THAP4: variants seen among roughly 807,000 people sequenced by gnomAD.
The protein encoded by THAP4 is THAP domain containing 4.
In THAP4, 18 loss-of-function variants were observed where a neutral mutation model predicts 48.1. That is an observed-to-expected ratio of 0.37 (90% confidence interval 0.26 to 0.56). The LOEUF is 0.56. Among genes scored for constraint, THAP4 ranks in the 20% least tolerant of loss-of-function variants. The pLI, the probability that THAP4 is intolerant of heterozygous loss-of-function variation, is 0.78. For synonymous variants in THAP4, 345 were observed against 324.9 expected (o/e 1.06, Z -0.66); for missense variants, 656 against 774.9 (o/e 0.85, Z 1.82).
rs749671742 is a variant in THAP4, at chr2:241,602,042, T to TTGCC, written c.1511-44_1511-43insGGCA. The stretch of plus-strand genomic sequence containing the variant: ...TCAGCTCACCCAGCAGCTGCTCGGC[T>TTGCC]TGCAGAGAGGCAGCCTTGACTCTCC... On this transcript the variant is annotated intron_variant, in intron 4 of 5. Coordinates refer to ENST00000407315, the MANE Select transcript of THAP4 (RefSeq NM_015963.6). 30 of 1,591,480 alleles carry TTGCC rather than the reference T, an allele frequency of 1.9e-5. No homozygotes were observed. In the African/African-American group the frequency reaches 3.3e-4, roughly 18 times the overall value.
At chr2:241,587,598 A>G (rs1308048654) in intron 5 of THAP4, among the ~76,000 whole-genome samples, 2 of 152,258 alleles carry the variant, frequency 1.3e-5, no homozygotes, top group African/African-American at 2.4e-5. Context: ...TAAGTCTCCA[A>G]CATTTTTTAA....
At chr2:241,592,118 G>A (rs2066988957) in intron 5 of THAP4, 2 of 152,228 alleles carry the variant, frequency 1.3e-5, no homozygotes, top group African/African-American at 4.8e-5. Context: ...CAGGTCACCG[G>A]TGGCAGCCCA....
At chr2:241,623,750 G>C (rs1247279569) in intron 2 of THAP4, among the ~76,000 whole-genome samples, 3 of 151,988 alleles carry the variant, frequency 2.0e-5, no homozygotes, top group Non-Finnish European at 4.4e-5. Context: ...AGATGAGATG[G>C]ACCAATTCTC....
intron 5 of THAP4, among the ~76,000 whole-genome samples, chr2:241,600,975 T>TAA (rs35094187): frequency 1.4e-5 from 2 of 145,910 alleles, no homozygotes; most frequent in Non-Finnish European, 3.0e-5. Context: ...TACAAATCTT[T>TAA]AAAAAAAAAA....
intron 5 of THAP4, among the ~76,000 whole-genome samples, chr2:241,596,920 A>G (rs1245119349): frequency 1.3e-5 from 2 of 152,208 alleles, no homozygotes; most frequent in Non-Finnish European, 2.9e-5. Context: ...GGTGAATGTG[A>G]AGGTCTAGGA....
At chr2:241,600,712 A>G (rs2067101595) in intron 5 of THAP4, among the ~76,000 whole-genome samples, 1 of 140,422 alleles carries the variant, frequency 7.1e-6, no homozygotes, top group Admixed American at 7.6e-5. Flanking sequence ...TGGGTGACAG[A>G]GTGAGACTCC....
rs765238843 is a variant in THAP4, at chr2:241,616,572, C to T, written c.1241-10099G>A. On this transcript the variant is annotated intron_variant, in intron 2 of 5. Transcript: ENST00000407315. The surrounding 1 kb of genome is among the most constrained non-coding windows in gnomAD (Gnocchi z 4.6). ...CCCTGGAGAGAAGCTACCCTGCAGGCGGCTGCTGCTTCAGGGGCACAGGGC... is the reference window on the plus strand; with the variant it reads ...CCCTGGAGAGAAGCTACCCTGCAGGTGGCTGCTGCTTCAGGGGCACAGGGC... 2.6e-5 allele frequency among the ~76,000 whole-genome samples: 4 copies of T among 152,180 alleles called. No individual in the cohort carries two copies. Among genetic ancestry groups the T allele is most frequent in the Non-Finnish European group, 4.4e-5 (3 of 68,036 alleles).
At chr2:241,595,201 G>C (rs1428709067) in intron 5 of THAP4, among the ~76,000 whole-genome samples, 1 of 152,078 alleles carries the variant, frequency 6.6e-6, no homozygotes, top group Non-Finnish European at 1.5e-5. Flanking sequence ...TCTTAGTAGA[G>C]ATGGGGTTTC....
At position 241,592,692 on chromosome 2, in the gene THAP4, T is replaced by G. The variant is rs1187769118; in HGVS notation, c.1615-7967A>C. Among the ~76,000 whole-genome samples, 3 of 152,216 alleles carry G rather than the reference T, an allele frequency of 2.0e-5. 1 individual carries two copies. The South Asian group carries it at 6.2e-4, about 32-fold the overall frequency. ...CTTCCCCAACATAAGCCTCGGTCTC[T>G]TCGAGAGGTTCCAGCCCGCTCCTCC... On this transcript the variant is annotated intron_variant, in intron 5 of 5. Transcript: ENST00000407315.
Position 241,600,095 on chromosome 2 carries a change from C to T in THAP4, c.1614+1801G>A, listed in dbSNP as rs184152232. 5.9e-5 allele frequency among the ~76,000 whole-genome samples: 9 copies of T among 152,288 alleles called. No homozygotes were observed. In the East Asian group the frequency reaches 1.5e-3, roughly 26 times the overall value. On this transcript the variant is annotated intron_variant, in intron 5 of 5. Coordinates refer to ENST00000407315, the MANE Select transcript of THAP4 (RefSeq NM_015963.6). ...CCTGTAATCCCAGCTACTCGGGAGG[C>T]TGAGGCAGGAGAATCACCTGAACCC...
intron 2 of THAP4, among the ~76,000 whole-genome samples, chr2:241,619,186 T>C (rs1219836101): frequency 2.0e-5 from 3 of 152,158 alleles, no homozygotes; most frequent in Non-Finnish European, 4.4e-5. Flanking sequence ...GTGGAAGGCA[T>C]GCTCGGAGAA....
chr2:241,588,756 C>T (rs895659944), intron 5 of THAP4, among the ~76,000 whole-genome samples: 1 of 152,210 alleles, frequency 6.6e-6, no homozygotes, highest in Non-Finnish European at 1.5e-5. Flanking sequence ...ACTACTACCT[C>T]ATACCATCTA....
Position 241,612,266 on chromosome 2 carries a change from G to A in THAP4, c.1241-5793C>T, listed in dbSNP as rs1268212398. On this transcript the variant is annotated intron_variant, in intron 2 of 5. Coordinates refer to ENST00000407315, the MANE Select transcript of THAP4 (RefSeq NM_015963.6). This position sits in a 1 kb window ranked among gnomAD's most constrained non-coding sequence, Gnocchi z 4.1. ...AGGACAGAAATGAGTTAAAAAAAAA[G>A]ACAAAAGATAGAGAAATGGAAACAA... Among the ~76,000 whole-genome samples, 1 of 152,080 alleles carries A rather than the reference G, an allele frequency of 6.6e-6. No homozygotes were observed. Among genetic ancestry groups the A allele is most frequent in the Non-Finnish European group, 1.5e-5 (1 of 68,028 alleles).
chr2:241,608,820 C>T (rs1264210250), intron 2 of THAP4, among the ~76,000 whole-genome samples: 2 of 152,160 alleles, frequency 1.3e-5, no homozygotes, highest in Non-Finnish European at 2.9e-5. Context: ...GAAAACCTAC[C>T]CAAAAGGGAC....
In THAP4 at chr2:241,633,004, T is replaced by C. The variant is rs1396093492; in HGVS notation, c.1153A>G (p.Ser385Gly). The change falls in exon 2 of 6, where the codon AGC (serine) becomes GGC (glycine). Residue 385 changes from serine (S) to glycine (G), a missense_variant. Transcript: ENST00000407315. The surrounding 1 kb of genome is among the most constrained non-coding windows in gnomAD (Gnocchi z 7.5). ...SLRQRVSRSD[S>G]QVRKLQEKLD... ...TTCTCCTGTAGCTTCCGCACCTGGC[T>C]GTCGGAGCGGCTGACCCTCTGCCGC... 3.7e-6 allele frequency: 6 copies of C among 1,613,704 alleles called. No homozygotes were observed. In the African/African-American group the frequency reaches 6.7e-5, roughly 18 times the overall value.
intron 2 of THAP4, among the ~76,000 whole-genome samples, chr2:241,620,659 G>A (rs186923378): frequency 2.9e-4 from 44 of 151,790 alleles, no homozygotes; most frequent in African/African-American, 9.9e-4. Context: ...TGAGTGAGTC[G>A]GTGACTGAGG....
intron 5 of THAP4, among the ~76,000 whole-genome samples, chr2:241,600,774 T>C (rs1363932990): frequency 6.6e-6 from 1 of 151,140 alleles, no homozygotes; most frequent in Admixed American, 6.6e-5. Context: ...TTTTTATCAT[T>C]TTGGAGTGGA....
At chr2:241,604,275 A>C (rs1450317333) in intron 3 of THAP4, among the ~76,000 whole-genome samples, 2 of 151,304 alleles carry the variant, frequency 1.3e-5, no homozygotes, top group African/African-American at 4.9e-5. Flanking sequence ...TTTGAGACAG[A>C]GTTTCTCTCT....
In THAP4 at chr2:241,612,327, TG is replaced by T. The variant is rs1302484498; in HGVS notation, c.1241-5855del. 8.5e-5 allele frequency among the ~76,000 whole-genome samples: 13 copies of T among 152,156 alleles called. No homozygotes were observed. Among genetic ancestry groups the T allele is most frequent in the African/African-American group, 3.1e-4 (13 of 41,504 alleles). On this transcript the variant is annotated intron_variant, in intron 2 of 5. Transcript: ENST00000407315. The surrounding 1 kb of genome is among the most constrained non-coding windows in gnomAD (Gnocchi z 4.1). ...ACGGGAACGCCTGGCACACTGCTGA[TG>T]GGGACGTGAACTGGCACAGCCTAGT...
Sources: allele counts gnomAD v4.1 joint callset (sites outside exome capture counted in the v4.1 genomes callset), GRCh38; gene constraint gnomAD v4.1.1; non-coding constraint Gnocchi (gnomAD v3.1); transcripts MANE v1.5; gene names NCBI Gene and HGNC (gene_info 2026-07-23, HGNC 2026-07-21).